MICB: variants seen among roughly 807,000 people sequenced by gnomAD.
MICB encodes the protein MHC class I antigen-related protein B.
In MICB, 27 loss-of-function variants were observed where a neutral mutation model predicts 34.3. That is an observed-to-expected ratio of 0.79 (90% CI 0.58 to 1.08). The LOEUF (loss-of-function observed/expected upper bound fraction) is 1.08, where lower values mean the gene tolerates loss of function less well. Ranked by LOEUF, MICB falls within the 50% of genes least tolerant of loss-of-function variation. The pLI, the probability that MICB is intolerant of heterozygous loss-of-function variation, is 0.00. For synonymous variants in MICB, 153 were observed against 187.4 expected (o/e 0.82, Z 1.50); for missense variants, 426 against 483.1 (o/e 0.88, Z 1.11).
Position 31,507,898 on chromosome 6 carries a change from G to A in MICB, c.1024+367G>A, listed in dbSNP as rs1349181262. Among the ~76,000 whole-genome samples, 1 of 152,124 alleles carries A rather than the reference G, an allele frequency of 6.6e-6. No individual in the cohort carries two copies. Among genetic ancestry groups the A allele is most frequent in the Non-Finnish European group, 1.5e-5 (1 of 68,014 alleles). ...ATCACGTGCTGATTGCTGAGGGCCTGGATGATCATGGTGTCAGAGGGAGGA... is the reference window on the plus strand; with the variant it reads ...ATCACGTGCTGATTGCTGAGGGCCTAGATGATCATGGTGTCAGAGGGAGGA... On this transcript the variant is annotated intron_variant, in intron 5 of 5. Transcript: ENST00000252229. The surrounding 1 kb of genome is among the most constrained non-coding windows in gnomAD (Gnocchi z 6.0).
chr6:31,497,531 A>G (rs1412869391), upstream of MICB, among the ~76,000 whole-genome samples: 1 of 152,044 alleles, frequency 6.6e-6, no homozygotes, highest in Non-Finnish European at 1.5e-5. Flanking sequence ...CCTGGCTTTG[A>G]GTCGAAGGGA....
intron 3 of MICB, among the ~76,000 whole-genome samples, 179 bp from the exon 4 acceptor site, chr6:31,506,843 A>T (rs528030085): frequency 5.3e-5 from 8 of 152,292 alleles, no homozygotes; most frequent in African/African-American, 1.7e-4. Flanking sequence ...CACAGTCCCA[A>T]GGCCCATCCT....
chr6:31,498,377 C>T (rs903792704), intron 1 of MICB, 114 bp downstream of exon 1: 2 of 722,858 alleles, frequency 2.8e-6, no homozygotes, highest in Non-Finnish European at 4.0e-6. Context: ...GGTGTGCTGT[C>T]TGGAGTGCAG....
At chr6:31,496,711 G>C (rs1330909676), upstream of MICB, 1 of 151,158 alleles carries the variant, frequency 6.6e-6, no homozygotes, top group East Asian at 1.9e-4. Context: ...AAGTGAAACA[G>C]TGGGAGTGAA....
intron 2 of MICB, 73 bp from the exon 3 acceptor site, chr6:31,506,070 T>C (rs1403734835): frequency 3.3e-6 from 5 of 1,528,524 alleles, no homozygotes; most frequent in Admixed American, 4.1e-5. Context: ...GGGTCGCTGC[T>C]GGGCTGAGTT....
Position 31,506,377 on chromosome 6 carries a change from G to A in MICB, c.560G>A (p.Cys187Tyr). The A allele has an allele frequency of 6.2e-7, 1 of 1,614,184 alleles. No individual in the cohort carries two copies. The highest frequency in any genetic ancestry group is 8.5e-7 in the Non-Finnish European group (1 of 1,180,028). ...CACTATCGCGCTATGCAGGCAGACT[G>A]CCTGCAGAAACTACAGCGATATCTG... ...KTHYRAMQAD[C>Y]LQKLQRYLKS... Residue 187 changes from cysteine to tyrosine, a missense_variant, in exon 3 of 6, where the codon TGC becomes TAC. By Grantham distance (194) the Cys-to-Tyr change is radical. Coordinates refer to ENST00000252229, the MANE Select transcript of MICB (RefSeq NM_005931.5).
chr6:31,495,556 A>G (rs9267356), upstream of MICB, among the ~76,000 whole-genome samples: 51,418 of 152,108 alleles, frequency 0.34, 8,835 homozygotes, highest in East Asian at 0.46. Context: ...AAATTCTCGA[A>G]TACATTACAT....
At position 31,506,132 on chromosome 6, in the gene MICB, G is replaced by A; in HGVS notation, c.326-11G>A. 1 of 1,608,922 alleles carries A rather than the reference G, an allele frequency of 6.2e-7. No individual in the cohort carries two copies. Among genetic ancestry groups the A allele is most frequent in the Non-Finnish European group, 8.5e-7 (1 of 1,177,056 alleles). On this transcript the variant is annotated splice_polypyrimidine_tract_variant and intron_variant, in intron 2 of 5. Transcript: ENST00000252229. ...TTCGGGAATGGAGAAGTCACTGCTG[G>A]GTGGGGGCAGGCTTGCATTCCCTCC...
At position 31,511,063 on chromosome 6, in the gene MICB, T is replaced by C. The variant is rs1195938670; in HGVS notation, c.*1154T>C. On this transcript the variant is annotated 3_prime_UTR_variant, in exon 6 of 6. Transcript: ENST00000252229. Reference sequence around the variant, plus strand: ...CTCGCCCCGTCACACCGTTATGCATTACTCTGTGTCTACTATTATGTGTGC... The same window carrying C: ...CTCGCCCCGTCACACCGTTATGCATCACTCTGTGTCTACTATTATGTGTGC... 3 of 152,252 alleles carry C rather than the reference T, an allele frequency of 2.0e-5. No individual in the cohort carries two copies. The highest frequency in any genetic ancestry group is 7.2e-5 in the African/African-American group (3 of 41,472). The allele number at this position is 152,252 out of a possible 1,614,324, so 9.4% of individuals were successfully genotyped here.
intron 1 of MICB, among the ~76,000 whole-genome samples, chr6:31,504,409 G>T (rs1266782199): frequency 6.6e-6 from 1 of 151,334 alleles, no homozygotes; most frequent in Non-Finnish European, 1.5e-5. Context: ...ACAGGCGCCC[G>T]CCACCACACC....
chr6:31,498,005 A>G, upstream of MICB: 1 of 362,144 alleles, frequency 2.8e-6, no homozygotes, highest in Non-Finnish European at 5.1e-6. Flanking sequence ...CCAGGCCGCT[A>G]GAATTTTCTC....
rs1562360622 is a variant in MICB at position 31,503,954 on chromosome 6, TG to T, written c.71-1662del. ...CTACCTCCTTGCCAAACTTGCTGTG[TG>T]TGTGTGTGTGTGTGTGTGTGTGTGT... On this transcript the variant is annotated intron_variant, in intron 1 of 5. Coordinates refer to ENST00000252229, the MANE Select transcript of MICB (RefSeq NM_005931.5). Among the ~76,000 whole-genome samples the T allele has an allele frequency of 4.9e-3, 726 of 149,542 alleles. 47 individuals are homozygous for T. In the East Asian group the frequency reaches 0.064, roughly 13 times the overall value.
rs77208519 is a variant in MICB, at chr6:31,507,170, G to T, written c.762G>T (p.Gly254=). The T allele has an allele frequency of 1.0e-2, 16,084 of 1,614,132 alleles. 197 individuals carry two copies. The highest frequency in any genetic ancestry group is 0.092 in the Middle Eastern group (558 of 6,060). The part of the protein sequence containing the change: ...VSLSHNTQQW[G]DVLPDGNGTY... Reference sequence around the variant, plus strand: ...TGAGCCACAACACCCAGCAGTGGGGGGATGTCCTGCCTGATGGGAATGGAA... The same window carrying T: ...TGAGCCACAACACCCAGCAGTGGGGTGATGTCCTGCCTGATGGGAATGGAA... Residue 254 remains glycine (G), a synonymous_variant, in exon 4 of 6, where the codon GGG becomes GGT. Coordinates refer to ENST00000252229, the MANE Select transcript of MICB (RefSeq NM_005931.5). This position sits in a 1 kb window ranked among gnomAD's most constrained non-coding sequence, Gnocchi z 6.0.
In MICB at chr6:31,510,094, T is replaced by C; in HGVS notation, c.*185T>C. 1.9e-6 allele frequency: 1 copy of C among 538,366 alleles called. No individual in the cohort carries two copies. Among genetic ancestry groups the C allele is most frequent in the East Asian group, 3.3e-5 (1 of 30,336 alleles). The allele number at this position is 538,366 out of a possible 1,614,324, so 33.3% of individuals were successfully genotyped here. A position where few individuals can be genotyped will look rare whatever the true frequency, so the allele number is the denominator to read the frequency against. ...ACGTAGAGAGCCAGCAAAGGGATCATGACCAACTCAACATTCCATTGGAGG... is the reference window on the plus strand; with the variant it reads ...ACGTAGAGAGCCAGCAAAGGGATCACGACCAACTCAACATTCCATTGGAGG... On this transcript the variant is annotated 3_prime_UTR_variant, in exon 6 of 6. Transcript: ENST00000252229.
chr6:31,507,361 G>A lies in MICB; in HGVS notation c.893-39G>A. 6.2e-7 allele frequency: 1 copy of A among 1,613,734 alleles called. No homozygotes were observed. The highest frequency in any genetic ancestry group is 8.5e-7 in the Non-Finnish European group (1 of 1,179,812). ...GGGTAGGAACAGCAAGGACGGCTGT[G>A]GCTCTCTGCCCAGTGTATAACAAGT... On this transcript the variant is annotated intron_variant, in intron 4 of 5. Coordinates refer to ENST00000252229, the MANE Select transcript of MICB (RefSeq NM_005931.5). This position sits in a 1 kb window ranked among gnomAD's most constrained non-coding sequence, Gnocchi z 6.0.
intron 3 of MICB, 52 bp from the exon 4 acceptor site, chr6:31,506,970 A>G: frequency 1.9e-6 from 3 of 1,579,318 alleles, no homozygotes; most frequent in Non-Finnish European, 2.6e-6. Context: ...TGTTCCCTGC[A>G]TCTCCCTTAG....
At chr6:31,506,936 G>A in intron 3 of MICB, 86 bp from the exon 4 acceptor site, 2 of 1,546,188 alleles carry the variant, frequency 1.3e-6, no homozygotes, top group Non-Finnish European at 1.7e-6. Context: ...CAGCCAGAGT[G>A]AGAACAGTGG....
chr6:31,500,582 G>C (rs146420414), intron 1 of MICB, among the ~76,000 whole-genome samples: 1 of 151,698 alleles, frequency 6.6e-6, no homozygotes. Flanking sequence ...TTAACCATCC[G>C]CACTCCCCCA....
Position 31,505,677 on chromosome 6 carries a change from G to T in MICB, c.131G>T (p.Gly44Val). The T allele has an allele frequency of 6.2e-7, 1 of 1,612,976 alleles. No individual in the cohort carries two copies. The highest frequency in any genetic ancestry group is 1.1e-5 in the South Asian group (1 of 91,076). ...TCCCAGGATGGATCTGTGCAGTCAG[G>T]GTTTCTCGCTGAGGGACATCTGGAT... ...VLSQDGSVQS[G>V]FLAEGHLDGQ... Residue 44 changes from glycine (G) to valine (V), a missense_variant, in exon 2 of 6, where the codon GGG becomes GTG. By Grantham distance (109) the Gly-to-Val change is moderately radical. Coordinates refer to ENST00000252229, the MANE Select transcript of MICB (RefSeq NM_005931.5).
Sources: gnomAD v4.1 joint callset for allele counts (sites outside exome capture counted in the v4.1 genomes callset) on GRCh38, gnomAD v4.1.1 for gene constraint, Gnocchi (gnomAD v3.1) non-coding constraint, MANE v1.5 for transcripts, NCBI Gene and HGNC (gene_info 2026-07-23, HGNC 2026-07-21) for gene names.